The following NEB variants were observed in gnomAD, a reference collection of about 807,000 sequenced individuals.
NEB encodes nemaline myopathy type 2.
A neutral mutation model predicts 952.2 loss-of-function variants in NEB; 512 were observed. The observed-to-expected ratio is 0.54, with a 90% CI of 0.50 to 0.58. NEB has a LOEUF of 0.58. Ranked by LOEUF, NEB falls within the 20% of genes least tolerant of loss-of-function variation. The pLI is 0.00. For missense variants in NEB, 8,428 were observed against 9,231.1 expected (o/e 0.91, Z 3.56); for synonymous variants, 2,900 against 3,149.8 (o/e 0.92, Z 2.66).
intron 13 of NEB, among the ~76,000 whole-genome samples, chr2:151,702,056 G>A (rs1379007809): frequency 6.7e-6 from 1 of 148,352 alleles, no homozygotes; most frequent in African/African-American, 2.5e-5. Flanking sequence ...AGAGATTCTG[G>A]TATGTTGTGT....
At chr2:151,497,594 T>C in intron 171 of NEB, 32 bp downstream of exon 171, 1 of 1,544,604 alleles carries the variant, frequency 6.5e-7, no homozygotes, top group Non-Finnish European at 8.8e-7. Flanking sequence ...AATCATTAAA[T>C]AAGTAGTTTT....
chr2:151,526,171 T>C lies in NEB; in HGVS notation c.22037A>G (p.Asn7346Ser). The change falls in exon 149 of 182, where the codon AAC (asparagine) becomes AGC (serine). Residue 7346 changes from asparagine (N) to serine (S), a missense_variant. By Grantham distance (46) the Asn-to-Ser change is conservative (BLOSUM62 1). Transcript: ENST00000397345. ...GCTGGGGGTTACCTCAGACACCAGG[T>C]TGCTGACAGTCTTCGCCAGCAGGAT... ...PQILLAKTVS[N>S]LVSENKYKDH... The C allele has an allele frequency of 6.2e-7, 1 of 1,613,950 alleles. No homozygotes were observed. Among genetic ancestry groups the C allele is most frequent in the Non-Finnish European group, 8.5e-7 (1 of 1,179,826 alleles).
At chr2:151,517,414 C>T (rs1278831209) in intron 156 of NEB, among the ~76,000 whole-genome samples, 3 of 152,156 alleles carry the variant, frequency 2.0e-5, no homozygotes, top group Admixed American at 2.0e-4. Flanking sequence ...ATAGTTAGTC[C>T]TCATGGTTAA....
intron 67 of NEB, among the ~76,000 whole-genome samples, chr2:151,630,052 AT>A (rs1236383245): frequency 6.6e-6 from 1 of 152,094 alleles, no homozygotes; most frequent in East Asian, 1.9e-4. Context: ...ATAAAAATAT[AT>A]TTTTATTCAT....
At chr2:151,682,253 A>G (rs2099420333) in intron 29 of NEB, among the ~76,000 whole-genome samples, 2 of 152,202 alleles carry the variant, frequency 1.3e-5, no homozygotes, top group African/African-American at 4.8e-5. Context: ...GCAGCATTTT[A>G]AAATTCAATT....
intron 18 of NEB, among the ~76,000 whole-genome samples, 175 bp downstream of exon 18, chr2:151,695,403 C>T (rs1043331557): frequency 5.9e-5 from 9 of 152,268 alleles, no homozygotes; most frequent in African/African-American, 1.7e-4. Context: ...GATTGCTACA[C>T]ATATTTTGTA....
chr2:151,487,023 A>C (rs979480446), intron 181 of NEB, among the ~76,000 whole-genome samples: 2 of 152,208 alleles, frequency 1.3e-5, no homozygotes, highest in South Asian at 2.1e-4. Context: ...TGAACTTCAT[A>C]CTAAGTTATG....
chr2:151,690,469 C>T, intron 24 of NEB: 1 of 365,896 alleles, frequency 2.7e-6, no homozygotes, highest in South Asian at 2.9e-5. Context: ...TGTGACAGAT[C>T]CTAATGAATA....
Position 151,551,831 on chromosome 2 carries a change from A to G in NEB, c.19851T>C (p.Tyr6617=). 3.7e-6 allele frequency: 6 copies of G among 1,612,418 alleles called. No individual in the cohort carries two copies. Among genetic ancestry groups the G allele is most frequent in the African/African-American group, 1.3e-5 (1 of 75,008 alleles). The stretch of plus-strand genomic sequence containing the variant: ...TGCCTCTGACACTGTGCACATAGTC[A>G]TAGTGGTAGACAGCCTGGTGCAGAA... ...GKQLSDAVYH[Y]DYVHSVRGKV... is the part of the protein sequence containing the mutation. The change falls in exon 129 of 182, where the codon TAT becomes TAC. Residue 6617 remains tyrosine, a synonymous_variant. Coordinates refer to ENST00000397345, the MANE Select transcript of NEB (RefSeq NM_001164508.2).
At chr2:151,521,933 T>C (rs888841524) in intron 153 of NEB, among the ~76,000 whole-genome samples, 1 of 152,168 alleles carries the variant, frequency 6.6e-6, no homozygotes, top group Non-Finnish European at 1.5e-5. Flanking sequence ...TTTAGGACTC[T>C]AGGAATTCTT....
chr2:151,562,865 C>T lies in NEB; in HGVS notation c.18694-57G>A, dbSNP rs549421303. On this transcript the variant is annotated intron_variant, in intron 119 of 181. Coordinates refer to ENST00000397345, the MANE Select transcript of NEB (RefSeq NM_001164508.2). ...GGGTTTAAATGTAAATTATTCAGATCAATGTCTTTTAGATCCTTATTTCCC... is the reference window on the plus strand; with the variant it reads ...GGGTTTAAATGTAAATTATTCAGATTAATGTCTTTTAGATCCTTATTTCCC... 4.7e-6 allele frequency: 6 copies of T among 1,281,714 alleles called. No individual in the cohort carries two copies. The South Asian group carries it at 6.7e-5, about 14-fold the overall frequency. The allele number at this position is 1,281,714 out of a possible 1,614,324, so 79.4% of individuals were successfully genotyped here.
chr2:151,556,542 A>C (rs1393589054), intron 124 of NEB, among the ~76,000 whole-genome samples: 1 of 152,202 alleles, frequency 6.6e-6, no homozygotes, highest in Admixed American at 6.6e-5. Context: ...AATTACAATA[A>C]AGCTTACAGG....
intron 162 of NEB, chr2:151,507,708 T>A: frequency 3.1e-6 from 1 of 323,000 alleles, no homozygotes; most frequent in Non-Finnish European, 5.7e-6. Context: ...GTCTCTCTTG[T>A]TAATCTGTCT....
chr2:151,511,166 G>C (rs560477170), intron 161 of NEB, among the ~76,000 whole-genome samples: 23 of 152,332 alleles, frequency 1.5e-4, no homozygotes, highest in African/African-American at 5.3e-4. Context: ...GGCTGGTGAG[G>C]CTCTCACAGC....
Position 151,605,988 on chromosome 2 carries a change from G to C in NEB, c.12747+618C>G. ...CAGCTAAGTTTTTGTTTGTTTGTTT[G>C]TTTGTATTTTTAGTAGAGATGAGGT... On this transcript the variant is annotated intron_variant, in intron 84 of 181. Transcript: ENST00000397345. 2.0e-5 allele frequency among the ~76,000 whole-genome samples: 2 copies of C among 100,406 alleles called. 1 individual carries two copies. Among genetic ancestry groups the C allele is most frequent in the Non-Finnish European group, 5.1e-5 (2 of 39,042 alleles). 65.9% of individuals were successfully genotyped at this position (100,406 alleles called of 152,430 possible). A position where few individuals can be genotyped will look rare whatever the true frequency, so the allele number is the denominator to read the frequency against.
intron 29 of NEB, among the ~76,000 whole-genome samples, chr2:151,681,816 T>C (rs111354048): frequency 0.023 from 3,461 of 152,266 alleles, 149 homozygotes; most frequent in African/African-American, 0.079. Flanking sequence ...AATTATAATT[T>C]ATACATTACT....
chr2:151,538,119 T>C (rs764213183), intron 139 of NEB, 21 bp downstream of exon 139: 5 of 1,573,878 alleles, frequency 3.2e-6, no homozygotes, highest in Admixed American at 1.7e-5. Flanking sequence ...CCAACACAAG[T>C]AGAAATATTT....
In NEB at chr2:151,640,486, C is replaced by A. The variant is rs1256097684; in HGVS notation, c.8554G>T (p.Val2852Leu). The A allele has an allele frequency of 1.2e-6, 2 of 1,613,914 alleles. No individual in the cohort carries two copies. The highest frequency in any genetic ancestry group is 2.2e-5 in the South Asian group (2 of 91,078). ...KFSSPVDMLG[V>L]VLAKKCQTLV... The stretch of plus-strand genomic sequence containing the variant: ...GTCTGGCACTTCTTGGCCAGCACCA[C>A]CCCCAGCATGTCCACTGGGCTGCTG... Residue 2852 changes from valine (V) to leucine (L), a missense_variant, in exon 61 of 182, where the codon GTG becomes TTG. By Grantham distance (32) the Val-to-Leu change is conservative (BLOSUM62 1). Transcript: ENST00000397345.
At chr2:151,528,984 C>A (rs2088574807) in intron 146 of NEB, among the ~76,000 whole-genome samples, 1 of 152,230 alleles carries the variant, frequency 6.6e-6, no homozygotes, top group Non-Finnish European at 1.5e-5. Context: ...GTGGGTGTAG[C>A]ATCCATGGCA....
Sources: gnomAD v4.1 joint callset for allele counts (sites outside exome capture counted in the v4.1 genomes callset) on GRCh38, gnomAD v4.1.1 for gene constraint, MANE v1.5 for transcripts, NCBI Gene and HGNC (gene_info 2026-07-23, HGNC 2026-07-21) for gene names.